The following APEH variants were observed in gnomAD, a reference collection of about 807,000 sequenced individuals.
The protein encoded by APEH is acylamino-acid-releasing enzyme.
APEH carries 75 observed loss-of-function variants against 102.7 expected under a neutral mutation model. The observed-to-expected ratio is 0.73, with a 90% CI of 0.61 to 0.89. APEH has a LOEUF of 0.89. APEH is among the 40% of genes least tolerant of loss of function. The probability of loss-of-function intolerance (pLI) is 0.00; values close to 1 mark genes in which losing one functional copy is unlikely to be tolerated. For missense variants in APEH, 863 were observed against 941.2 expected (o/e 0.92, Z 1.09); for synonymous variants, 344 against 362.7 (o/e 0.95, Z 0.59).
chr3:49,682,467 G>A, intron 18 of APEH, 31 bp downstream of exon 18: 1 of 1,612,608 alleles, frequency 6.2e-7, no homozygotes, highest in South Asian at 1.1e-5. Context: ...TGGACAGGCT[G>A]AAACATGGGC....
intron 3 of APEH, 33 bp downstream of exon 3, chr3:49,675,342 C>T (rs1373875895): frequency 6.2e-6 from 10 of 1,610,532 alleles, no homozygotes; most frequent in African/African-American, 1.3e-5. Flanking sequence ...GTGGGCAAGG[C>T]CACAGCCGTC....
Position 49,679,040 on chromosome 3 carries a change from C to A in APEH, c.1158+91C>A. ...CATGTGCATGCCCCTGGGTGGAATG[C>A]CCAGCCACAAAGTCTCATCAGCCCC... is the stretch of plus-strand genomic sequence containing the variant. On this transcript the variant is annotated intron_variant, in intron 12 of 21. Coordinates refer to ENST00000296456, the MANE Select transcript of APEH (RefSeq NM_001640.4). This position sits in a 1 kb window ranked among gnomAD's most constrained non-coding sequence, Gnocchi z 4.3. 9.5e-7 allele frequency: 1 copy of A among 1,055,988 alleles called. No homozygotes were observed. The highest frequency in any genetic ancestry group is 1.4e-6 in the Non-Finnish European group (1 of 709,654). The allele number at this position is 1,055,988 out of a possible 1,614,324, so 65.4% of individuals were successfully genotyped here. A position where few individuals can be genotyped will look rare whatever the true frequency, so the allele number is the denominator to read the frequency against.
upstream of APEH, among the ~76,000 whole-genome samples, chr3:49,673,521 G>A (rs1407639492): frequency 1.3e-5 from 2 of 152,146 alleles, no homozygotes; most frequent in African/African-American, 4.8e-5. Flanking sequence ...AGGCTGCGGG[G>A]ATAGATAGCT....
rs766479979 is a variant in APEH at position 49,682,638 on chromosome 3, C to T, written c.1785C>T (p.His595=). ...CCCATGGTGGCTTCATTTCCTGCCA[C>T]TTGATTGGTCAGTACCCAGAGACCT... ...GGSHGGFISC[H]LIGQYPETYR... is the part of the protein sequence containing the mutation. Residue 595 remains histidine (H), a synonymous_variant, in exon 19 of 22, where the codon CAC becomes CAT. Coordinates refer to ENST00000296456, the MANE Select transcript of APEH (RefSeq NM_001640.4). The T allele has an allele frequency of 1.4e-5, 22 of 1,614,010 alleles. No individual in the cohort carries two copies. In the South Asian group the frequency reaches 2.4e-4, roughly 18 times the overall value.
intron 11 of APEH, 107 bp from the exon 12 acceptor site, chr3:49,678,745 T>C: frequency 1.1e-6 from 1 of 918,894 alleles, no homozygotes; most frequent in Non-Finnish European, 1.7e-6. Context: ...GCCTGACTGG[T>C]GCCTGAGTAG....
intron 2 of APEH, among the ~76,000 whole-genome samples, chr3:49,674,878 G>T (rs2052951765): frequency 6.6e-6 from 1 of 152,158 alleles, no homozygotes. Flanking sequence ...GGCTCAGGGC[G>T]TGGACCTTGT....
intron 8 of APEH, 21 bp from the exon 9 acceptor site, chr3:49,676,752 CTGAG>C (rs1262984586): frequency 7.4e-6 from 12 of 1,614,150 alleles, no homozygotes; most frequent in African/African-American, 2.7e-5. Context: ...GGCCTTGAGA[CTGAG>C]TGTCTGTCTC....
intron 20 of APEH, 41 bp downstream of exon 20, chr3:49,682,986 C>G: frequency 6.2e-7 from 1 of 1,610,914 alleles, no homozygotes; most frequent in Non-Finnish European, 8.5e-7. Flanking sequence ...GCCCATCCAT[C>G]CAGAATCCAG....
chr3:49,674,417 AGGGCTCGGC>A lies in APEH; in HGVS notation c.12+5_12+13del. The stretch of plus-strand genomic sequence containing the variant: ...AGAGGAGACTATGGAACGTCAGGTG[AGGGCTCGGC>A]CCGCGGTCCCCGTGGTCCCTGCAGC... On this transcript the variant is annotated splice_donor_5th_base_variant and intron_variant, in intron 1 of 21. Coordinates refer to ENST00000296456, the MANE Select transcript of APEH (RefSeq NM_001640.4). 1 of 1,574,762 alleles carries A rather than the reference AGGGCTCGGC, an allele frequency of 6.4e-7. No homozygotes were observed.
At chr3:49,678,823 A>G in intron 11 of APEH, 29 bp from the exon 12 acceptor site, 4 of 1,568,572 alleles carry the variant, frequency 2.6e-6, no homozygotes, top group Non-Finnish European at 3.5e-6. Context: ...CCACTCCTGG[A>G]TGCAGCCTCA....
Position 49,679,694 on chromosome 3 carries a change from C to T in APEH, c.1210+50C>T. The stretch of plus-strand genomic sequence containing the variant: ...GTAAGGGCAGGGCTGGTGAGCAAGC[C>T]AACCAGGCAGCGGGGGACTGGAGCT... On this transcript the variant is annotated intron_variant, in intron 13 of 21. Transcript: ENST00000296456. The surrounding 1 kb of genome is among the most constrained non-coding windows in gnomAD (Gnocchi z 4.3). The T allele has an allele frequency of 6.3e-7, 1 of 1,577,172 alleles. No individual in the cohort carries two copies. Among genetic ancestry groups the T allele is most frequent in the Non-Finnish European group, 8.7e-7 (1 of 1,147,510 alleles).
At position 49,679,060 on chromosome 3, in the gene APEH, A is replaced by AT. The variant is rs2053201595; in HGVS notation, c.1158+111_1158+112insT. The AT allele has an allele frequency of 1.2e-6, 1 of 868,596 alleles. No individual in the cohort carries two copies. The highest frequency in any genetic ancestry group is 1.8e-6 in the Non-Finnish European group (1 of 558,938). 53.8% of individuals were successfully genotyped at this position (868,596 alleles called of 1,614,324 possible). Reference sequence around the variant, plus strand: ...GAATGCCCAGCCACAAAGTCTCATCAGCCCCTTAAAACCCTGCCTGCCCAT... The same window carrying AT: ...GAATGCCCAGCCACAAAGTCTCATCATGCCCCTTAAAACCCTGCCTGCCCAT... On this transcript the variant is annotated intron_variant, in intron 12 of 21. Transcript: ENST00000296456. The surrounding 1 kb of genome is among the most constrained non-coding windows in gnomAD (Gnocchi z 4.3).
In APEH at chr3:49,683,715, T is replaced by C; in HGVS notation, c.*373T>C. The C allele has an allele frequency of 2.1e-6, 1 of 469,316 alleles. No individual in the cohort carries two copies. The highest frequency in any genetic ancestry group is 2.4e-5 in the South Asian group (1 of 42,348). The allele number at this position is 469,316 out of a possible 1,614,324, so 29.1% of individuals were successfully genotyped here. A position where few individuals can be genotyped will look rare whatever the true frequency, so the allele number is the denominator to read the frequency against. On this transcript the variant is annotated 3_prime_UTR_variant, in exon 22 of 22. Transcript: ENST00000296456. ...AGCTTCCCTGCTGCAGCCCCTTCCATTAGCAACTACTCTGTACCACCCTTC... is the reference window on the plus strand; with the variant it reads ...AGCTTCCCTGCTGCAGCCCCTTCCACTAGCAACTACTCTGTACCACCCTTC...
At chr3:49,677,739 C>T in intron 11 of APEH, 106 bp downstream of exon 11, 2 of 1,112,562 alleles carry the variant, frequency 1.8e-6, no homozygotes. Flanking sequence ...CTTCTGAGGG[C>T]CCTACCTCCC....
At chr3:49,675,533 A>G (rs1198074491) in intron 3 of APEH, 161 bp from the exon 4 acceptor site, 14 of 951,338 alleles carry the variant, frequency 1.5e-5, no homozygotes, top group Middle Eastern at 3.0e-4. Context: ...CAGAGAGTAG[A>G]GTCTCTGCCT....
chr3:49,679,514 G>A lies in APEH; in HGVS notation c.1159-79G>A, dbSNP rs2053225576. 1.4e-6 allele frequency: 2 copies of A among 1,472,476 alleles called. No individual in the cohort carries two copies. The highest frequency in any genetic ancestry group is 1.9e-6 in the Non-Finnish European group (2 of 1,054,328). The allele number at this position is 1,472,476 out of a possible 1,614,324, so 91.2% of individuals were successfully genotyped here. On this transcript the variant is annotated intron_variant, in intron 12 of 21. Transcript: ENST00000296456. The surrounding 1 kb of genome is among the most constrained non-coding windows in gnomAD (Gnocchi z 4.3). The stretch of plus-strand genomic sequence containing the variant: ...GGCCAGGGCTCTCCAAGAGGGTAGA[G>A]AGGAGGTAGGGGAGGGACCCATAGG...
In APEH at chr3:49,676,194, TGAA is replaced by T. The variant is rs755673130; in HGVS notation, c.586_588del (p.Lys196del). 1.9e-6 allele frequency: 3 copies of T among 1,614,092 alleles called. No individual in the cohort carries two copies. In the East Asian group the frequency reaches 6.7e-5, roughly 36 times the overall value. Reference sequence around the variant, plus strand: ...GCCAGCGATGATGAGATAGCCAGGCTGAAGAAGCCAGACCAAGCCATCAAGGTG... The same window carrying T: ...GCCAGCGATGATGAGATAGCCAGGCTGAAGCCAGACCAAGCCATCAAGGTG... On this transcript the variant is annotated inframe_deletion, in exon 6 of 22. Coordinates refer to ENST00000296456, the MANE Select transcript of APEH (RefSeq NM_001640.4).
chr3:49,677,000 T>C lies in APEH; in HGVS notation c.975T>C (p.His325=). 1 of 1,614,066 alleles carries C rather than the reference T, an allele frequency of 6.2e-7. No individual in the cohort carries two copies. Among genetic ancestry groups the C allele is most frequent in the South Asian group, 1.1e-5 (1 of 91,080 alleles). The change falls in exon 10 of 22, where the codon CAT becomes CAC. Residue 325 remains histidine, a synonymous_variant. Coordinates refer to ENST00000296456, the MANE Select transcript of APEH (RefSeq NM_001640.4). ...TGCAGTACCCATCTCTGATCCCCCA[T>C]CACCAATGCAGCCAGCTGTGCCTGG... is the stretch of plus-strand genomic sequence containing the variant. ...VYLQYPSLIP[H]HQCSQLCLYD... is the part of the protein sequence containing the mutation.
At chr3:49,677,682 T>C (rs2053128356) in intron 11 of APEH, 49 bp downstream of exon 11, 1 of 1,528,482 alleles carries the variant, frequency 6.5e-7, no homozygotes, top group African/African-American at 1.4e-5. Context: ...TAGCTCTGCT[T>C]TCCTGCCGTC....
Sources: gnomAD v4.1 joint callset for allele counts (sites outside exome capture counted in the v4.1 genomes callset) on GRCh38, gnomAD v4.1.1 for gene constraint, Gnocchi (gnomAD v3.1) non-coding constraint, MANE v1.5 for transcripts, NCBI Gene and HGNC (gene_info 2026-07-23, HGNC 2026-07-21) for gene names.